LAMA1: variants seen among roughly 807,000 people sequenced by gnomAD.
LAMA1 encodes the protein laminin subunit alpha 1, also known as laminin subunit alpha-1.
In LAMA1, 219 loss-of-function variants were observed where a neutral mutation model predicts 348.7. The observed-to-expected ratio is 0.63, with a 90% confidence interval of 0.56 to 0.70. The LOEUF (loss-of-function observed/expected upper bound fraction) is 0.70, where lower values mean the gene tolerates loss of function less well. LAMA1 is among the 30% of genes least tolerant of loss of function. The pLI, the probability that LAMA1 is intolerant of heterozygous loss-of-function variation, is 0.00. For missense variants in LAMA1, 3,744 were observed against 3,888.0 expected (o/e 0.96, Z 0.99); for synonymous variants, 1,487 against 1,491.0 (o/e 1.00, Z 0.06).
In LAMA1 at chr18:6,993,713, C is replaced by T. The variant is rs1189820186; in HGVS notation, c.4936G>A (p.Ala1646Thr). 1 of 1,613,984 alleles carries T rather than the reference C, an allele frequency of 6.2e-7. No individual in the cohort carries two copies. The highest frequency in any genetic ancestry group is 2.2e-5 in the East Asian group (1 of 44,870). ...MLASTQKVNR[A>T]TERIFKESQD... ...CTCTCCTTGAAGATTCTCTCAGTTG[C>T]CCTATTCACCTTTTGGGTACTCGCT... Residue 1646 changes from alanine (A) to threonine (T), a missense_variant, in exon 35 of 63, where the codon GCA becomes ACA. Around this residue, in one of 3 missense-constraint regions of LAMA1, gnomAD observed 1,983 missense variants for 1,934.3 expected, o/e 1.03. Transcript: ENST00000389658.
At chr18:6,972,290 C>A (rs1320234583) in intron 47 of LAMA1, 3 of 377,066 alleles carry the variant, frequency 8.0e-6, no homozygotes, top group Middle Eastern at 9.0e-4. Context: ...GAGGGCCCAG[C>A]TGGACCTGAG....
At chr18:6,957,929 T>C (rs1241428772) in intron 55 of LAMA1, among the ~76,000 whole-genome samples, 3 of 152,084 alleles carry the variant, frequency 2.0e-5, no homozygotes, top group Non-Finnish European at 4.4e-5. Flanking sequence ...TACAGGTGCC[T>C]GCCACCACAC....
At chr18:6,982,393 C>T (rs2057715696) in intron 41 of LAMA1, 104 bp downstream of exon 41, 3 of 945,398 alleles carry the variant, frequency 3.2e-6, no homozygotes, top group East Asian at 2.4e-5. Flanking sequence ...CACAGAAATG[C>T]TAAGCTTCAA....
At chr18:6,952,977 G>A (rs1475936034) in intron 57 of LAMA1, among the ~76,000 whole-genome samples, 477 of 79,180 alleles carry the variant, frequency 6.0e-3, no homozygotes, top group African/African-American at 0.023. Context: ...GCCTGTGTCC[G>A]GCGGATCCAC....
intron 42 of LAMA1, among the ~76,000 whole-genome samples, chr18:6,979,590 TA>T (rs1330663969): frequency 6.6e-6 from 1 of 152,168 alleles, no homozygotes; most frequent in African/African-American, 2.4e-5. Flanking sequence ...GTATTACACA[TA>T]AAAAAATTAT....
At chr18:7,011,223 C>T in intron 25 of LAMA1, 77 bp downstream of exon 25, 2 of 1,495,274 alleles carry the variant, frequency 1.3e-6, no homozygotes. Flanking sequence ...CAGGCCGGCC[C>T]AGACTATGGT....
intron 48 of LAMA1, 109 bp downstream of exon 48, chr18:6,971,748 G>T: frequency 6.8e-7 from 1 of 1,463,386 alleles, no homozygotes; most frequent in Non-Finnish European, 9.5e-7. Flanking sequence ...ACCTACCAGC[G>T]ATATCACAAA....
intron 36 of LAMA1, among the ~76,000 whole-genome samples, chr18:6,986,942 C>A (rs1051901993): frequency 1.3e-5 from 2 of 151,998 alleles, no homozygotes; most frequent in South Asian, 4.2e-4. Context: ...TTAGTAGAGA[C>A]GGGGTTTGGG....
chr18:7,013,291 T>G (rs1223476742), intron 23 of LAMA1, among the ~76,000 whole-genome samples: 1 of 151,992 alleles, frequency 6.6e-6, no homozygotes, highest in East Asian at 1.9e-4. Context: ...GCCAGAGGGC[T>G]CCCATCTCAC....
At position 6,999,603 on chromosome 18, in the gene LAMA1, G is replaced by C; in HGVS notation, c.4505C>G (p.Pro1502Arg). 1 of 1,613,416 alleles carries C rather than the reference G, an allele frequency of 6.2e-7. No homozygotes were observed. The highest frequency in any genetic ancestry group is 1.7e-5 in the Admixed American group (1 of 59,948). The change falls in exon 32 of 63, where the codon CCA becomes CGA. Residue 1502 changes from proline (P) to arginine (R), a missense_variant. Around this residue, in one of 3 missense-constraint regions of LAMA1, gnomAD observed 1,983 missense variants for 1,934.3 expected, o/e 1.03. Transcript: ENST00000389658. ...SSSYYGNPQT[P>R]GGSCQKCDCN... ...GTCACACTTCTGGCAACTGCCACCT[G>C]GTGTTTGAGGGTTCCCATAATAGCT...
At chr18:6,985,135 A>G (rs2057728339) in intron 39 of LAMA1, 102 bp downstream of exon 39, 1 of 1,389,996 alleles carries the variant, frequency 7.2e-7, no homozygotes, top group African/African-American at 1.4e-5. Flanking sequence ...GCTCATTTTT[A>G]CACAAAGGAA....
intron 28 of LAMA1, among the ~76,000 whole-genome samples, chr18:7,008,038 T>C (rs1254292567): frequency 1.3e-5 from 2 of 152,102 alleles, no homozygotes; most frequent in Non-Finnish European, 2.9e-5. Flanking sequence ...GTTCAAGTGA[T>C]TCTCCTGCCT....
chr18:7,023,460 A>G (rs2057927753), intron 18 of LAMA1, 85 bp from the exon 19 acceptor site: 9 of 1,092,802 alleles, frequency 8.2e-6, no homozygotes, highest in Non-Finnish European at 1.3e-5. Context: ...TGAATGGCTA[A>G]TAAATCAGAC....
intron 22 of LAMA1, 132 bp downstream of exon 22, chr18:7,015,590 T>G: frequency 9.5e-7 from 1 of 1,053,074 alleles, no homozygotes; most frequent in Non-Finnish European, 1.4e-6. Flanking sequence ...CACATTGAGT[T>G]TTTTTTTTTT....
intron 3 of LAMA1, among the ~76,000 whole-genome samples, chr18:7,053,441 G>A (rs1424477747): frequency 6.6e-6 from 1 of 152,184 alleles, no homozygotes; most frequent in Non-Finnish European, 1.5e-5. Context: ...GGGAGAGAGT[G>A]AGGAGTATGG....
chr18:6,997,808 G>C lies in LAMA1; in HGVS notation c.4740C>G (p.Leu1580=). 1 of 1,613,920 alleles carries C rather than the reference G, an allele frequency of 6.2e-7. No homozygotes were observed. Among genetic ancestry groups the C allele is most frequent in the Non-Finnish European group, 8.5e-7 (1 of 1,179,762 alleles). The change falls in exon 33 of 63, where the codon CTC becomes CTG. Residue 1580 remains leucine (L), a synonymous_variant. Transcript: ENST00000389658. ...CATATGGGACAGGGATAATGCCAGT[G>C]AGGTTCAGAGAAAGAACGGCATCAC... ...EIGDAVLSLN[L]TGIIPVPYGI... is the part of the protein sequence containing the mutation.
chr18:7,072,908 C>T (rs2058151753), intron 3 of LAMA1, among the ~76,000 whole-genome samples: 1 of 152,272 alleles, frequency 6.6e-6, no homozygotes, highest in East Asian at 1.9e-4. Flanking sequence ...TGTCTACTTC[C>T]GGGTCCTATC....
intron 54 of LAMA1, 134 bp from the exon 55 acceptor site, chr18:6,958,796 G>C: frequency 4.2e-6 from 3 of 719,162 alleles, no homozygotes; most frequent in Non-Finnish European, 6.9e-6. Context: ...ACAAGACACT[G>C]TCTGTGACCA....
Position 7,043,257 on chromosome 18 carries a change from G to C in LAMA1, c.1125C>G (p.Thr375=). Residue 375 remains threonine, a synonymous_variant, in exon 8 of 63, where the codon ACC becomes ACG. Transcript: ENST00000389658. Reference sequence around the variant, plus strand: ...GTGGTCTATAATATCCATCAATACAGGTTTCACAGTTGATTCCCATGGTGT... The same window carrying C: ...GTGGTCTATAATATCCATCAATACACGTTTCACAGTTGATTCCCATGGTGT... ...LQNTMGINCE[T]CIDGYYRPHK... 6.2e-7 allele frequency: 1 copy of C among 1,614,110 alleles called. No individual in the cohort carries two copies. Among genetic ancestry groups the C allele is most frequent in the Non-Finnish European group, 8.5e-7 (1 of 1,180,010 alleles).
Sources: allele counts gnomAD v4.1 joint callset (sites outside exome capture counted in the v4.1 genomes callset), GRCh38; gene constraint gnomAD v4.1.1; regional missense constraint gnomAD v4.1.1; transcripts MANE v1.5; gene names NCBI Gene and HGNC (gene_info 2026-07-23, HGNC 2026-07-21).